FLI1: variants seen among roughly 807,000 people sequenced by gnomAD.
FLI1 encodes the protein Friend leukemia integration 1 transcription factor.
FLI1 carries 13 observed loss-of-function variants against 53.1 expected under a neutral mutation model. That is an observed-to-expected ratio of 0.24 (90% CI 0.16 to 0.39). The LOEUF is 0.39. Ranked by LOEUF, FLI1 falls within the 10% of genes least tolerant of loss-of-function variation. FLI1 has a pLI of 1.00. For synonymous variants in FLI1, 244 were observed against 236.7 expected, an observed-to-expected ratio of 1.03 and a Z score of -0.28; for missense variants, 424 against 600.5, an observed-to-expected ratio of 0.71 and a Z score of 3.07.
intron 5 of FLI1, among the ~76,000 whole-genome samples, chr11:128,797,093 T>A (rs1359081796): frequency 6.6e-6 from 1 of 152,390 alleles, no homozygotes; most frequent in Non-Finnish European, 1.5e-5. Flanking sequence ...ATTTCAGACA[T>A]AGGTCAAAAG....
At chr11:128,773,580 G>A (rs1362181462) in intron 4 of FLI1, among the ~76,000 whole-genome samples, 11 of 149,980 alleles carry the variant, frequency 7.3e-5, no homozygotes, top group Non-Finnish European at 1.3e-4. Flanking sequence ...CTTTGGAAAG[G>A]GCGAGCTTAA....
intron 1 of FLI1, among the ~76,000 whole-genome samples, chr11:128,738,663 G>C (rs906386428): frequency 6.6e-6 from 1 of 152,226 alleles, no homozygotes; most frequent in East Asian, 1.9e-4. Flanking sequence ...CCTGTGAACC[G>C]TCTGTCCCAC....
At chr11:128,735,176 G>A (rs1046737242) in intron 1 of FLI1, among the ~76,000 whole-genome samples, 2 of 152,152 alleles carry the variant, frequency 1.3e-5, no homozygotes, top group East Asian at 1.9e-4. Context: ...TAAGATCAAT[G>A]TCTTAAACTA....
chr11:128,732,229 C>G (rs1319500115), intron 1 of FLI1, among the ~76,000 whole-genome samples: 1 of 152,152 alleles, frequency 6.6e-6, no homozygotes, highest in Admixed American at 6.5e-5. Flanking sequence ...CAATCAGTAC[C>G]AGATTATTCT....
At chr11:128,787,373 C>T (rs1942121584) in intron 5 of FLI1, among the ~76,000 whole-genome samples, 2 of 152,190 alleles carry the variant, frequency 1.3e-5, no homozygotes, top group Admixed American at 1.3e-4. Context: ...GGTCATGAAG[C>T]AGAACAAGAC....
chr11:128,728,231 G>A (rs1044373306), intron 1 of FLI1, among the ~76,000 whole-genome samples: 2 of 152,246 alleles, frequency 1.3e-5, no homozygotes, highest in Non-Finnish European at 2.9e-5. Flanking sequence ...GCATGCCTTG[G>A]CCTAGGCAGT....
At chr11:128,696,378 T>C (rs530396048) in intron 1 of FLI1, among the ~76,000 whole-genome samples, 1 of 152,362 alleles carries the variant, frequency 6.6e-6, no homozygotes, top group Non-Finnish European at 1.5e-5. Flanking sequence ...ATGTGACCTC[T>C]GGATCTTGGG....
At chr11:128,795,582 CAG>C (rs1464059274) in intron 5 of FLI1, among the ~76,000 whole-genome samples, 1 of 117,342 alleles carries the variant, frequency 8.5e-6, no homozygotes, top group South Asian at 2.5e-4. Context: ...TTTTTTGAGA[CAG>C]AGTCTTGCCC....
intron 1 of FLI1, among the ~76,000 whole-genome samples, chr11:128,725,973 G>A (rs1939457733): frequency 6.6e-6 from 1 of 152,218 alleles, no homozygotes; most frequent in South Asian, 2.1e-4. Flanking sequence ...GGGGACTGAG[G>A]AGTCCAGATC....
At chr11:128,758,964 C>A (rs1941002232) in intron 2 of FLI1, among the ~76,000 whole-genome samples, 1 of 152,216 alleles carries the variant, frequency 6.6e-6, no homozygotes, top group African/African-American at 2.4e-5. Flanking sequence ...TTGCGTCCTG[C>A]CTCTGCCCCT....
chr11:128,781,879 A>T, intron 4 of FLI1, 79 bp from the exon 5 acceptor site: 1 of 1,099,452 alleles, frequency 9.1e-7, no homozygotes, highest in South Asian at 1.2e-5. Context: ...TTCCCTTTCT[A>T]CTCCCTCCTC....
chr11:128,715,207 G>T (rs560942237), intron 1 of FLI1, among the ~76,000 whole-genome samples: 1 of 152,186 alleles, frequency 6.6e-6, no homozygotes, highest in Admixed American at 6.5e-5. Flanking sequence ...CAGAATAAGA[G>T]CTCAGGGTTG....
chr11:128,781,726 G>C (rs1443941069), intron 4 of FLI1, among the ~76,000 whole-genome samples: 2 of 152,134 alleles, frequency 1.3e-5, no homozygotes, highest in Non-Finnish European at 2.9e-5. Flanking sequence ...TTTCCCCAGA[G>C]AGCATTTCAT....
chr11:128,723,933 ATTTTTTTTTTTTTTTT>A (rs376612983), intron 1 of FLI1, among the ~76,000 whole-genome samples: 6 of 80,976 alleles, frequency 7.4e-5, no homozygotes, highest in Non-Finnish European at 8.9e-5. Flanking sequence ...AATGGAGTTG[ATTTTTTTTTTTTTTTT>A]TTTTTTTTTT....
At chr11:128,721,067 G>A (rs1016413057) in intron 1 of FLI1, among the ~76,000 whole-genome samples, 10 of 152,214 alleles carry the variant, frequency 6.6e-5, no homozygotes, top group Admixed American at 1.3e-4. Flanking sequence ...AGAAGCTTCT[G>A]GAGAATCTGT....
intron 1 of FLI1, among the ~76,000 whole-genome samples, chr11:128,735,640 A>G (rs1044798054): frequency 2.6e-5 from 4 of 152,236 alleles, no homozygotes; most frequent in African/African-American, 9.7e-5. Flanking sequence ...AAGATAGGAA[A>G]GGTAACTTTA....
In FLI1 at chr11:128,694,282, C is replaced by A. The variant is rs1436311186; in HGVS notation, c.18+6C>A. 2 of 1,376,404 alleles carry A rather than the reference C, an allele frequency of 1.5e-6. No individual in the cohort carries two copies. Among genetic ancestry groups the A allele is most frequent in the South Asian group, 1.9e-5 (1 of 53,044 alleles). 85.3% of individuals were successfully genotyped at this position (1,376,404 alleles called of 1,614,324 possible). On this transcript the variant is annotated splice_donor_region_variant and intron_variant, in intron 1 of 8. Transcript: ENST00000527786. ...AAATGGACGGGACTATTAAGGTAAG[C>A]GGCGGGGCAACGGACGCGGGCGGCG...
chr11:128,781,462 A>C (rs1941914225), intron 4 of FLI1, among the ~76,000 whole-genome samples: 1 of 152,280 alleles, frequency 6.6e-6, no homozygotes, highest in Non-Finnish European at 1.5e-5. Context: ...CAGAGATTGT[A>C]GTTAGCCTAT....
chr11:128,757,056 CTTTCTTTCTTT>C (rs1940904259), intron 1 of FLI1, among the ~76,000 whole-genome samples: 1 of 117,898 alleles, frequency 8.5e-6, no homozygotes, highest in Non-Finnish European at 1.7e-5. Context: ...TTCTTTCTTT[CTTTCTTTCTTT>C]CTTTCTTTCT....
Sources: allele counts gnomAD v4.1 joint callset (sites outside exome capture counted in the v4.1 genomes callset), GRCh38; gene constraint gnomAD v4.1.1; transcripts MANE v1.5; gene names NCBI Gene and HGNC (gene_info 2026-07-23, HGNC 2026-07-21).